Variants in PRCP observed in about 807,000 individuals in gnomAD.
PRCP encodes the protein lysosomal Pro-X carboxypeptidase.
PRCP carries 46 observed loss-of-function variants against 54.2 expected under a neutral mutation model. The observed-to-expected ratio is 0.85, with a 90% CI of 0.67 to 1.09. The LOEUF is 1.09. Ranked by LOEUF, PRCP falls within the 50% of genes least tolerant of loss-of-function variation. PRCP has a pLI of 0.00. For missense variants in PRCP, 613 were observed against 596.8 expected (o/e 1.03, Z -0.28); for synonymous variants, 240 against 212.2 (o/e 1.13, Z -1.14).
rs918685778 is a variant in PRCP, at chr11:82,884,768, G to A, written c.168+15467C>T. 7 of 1,607,176 alleles carry A rather than the reference G, an allele frequency of 4.4e-6. No individual in the cohort carries two copies. The African/African-American group carries it at 9.4e-5, about 22-fold the overall frequency. ...GGCCATTTATTAGCTACTTAACCAA[G>A]TTCATGGCTTTCAGCTTGTTTTCTC... On this transcript the variant is annotated intron_variant, in intron 1 of 8. Coordinates refer to ENST00000313010, the MANE Select transcript of PRCP (RefSeq NM_005040.4).
chr11:82,837,698 T>TG (rs369520503), intron 8 of PRCP, among the ~76,000 whole-genome samples: 80 of 152,306 alleles, frequency 5.3e-4, no homozygotes, highest in African/African-American at 1.9e-3. Flanking sequence ...ACTCAAAACA[T>TG]GGAAATTTTG....
intron 2 of PRCP, among the ~76,000 whole-genome samples, chr11:82,855,966 T>C (rs973660140): frequency 1.1e-4 from 16 of 152,056 alleles, no homozygotes; most frequent in African/African-American, 3.9e-4. Flanking sequence ...GAACTTGAAA[T>C]AGAACTACCA....
upstream of PRCP, among the ~76,000 whole-genome samples, chr11:82,901,154 T>C (rs1489327649): frequency 1.3e-5 from 2 of 152,138 alleles, no homozygotes; most frequent in African/African-American, 4.8e-5. Context: ...CCACTCCCTA[T>C]GATACTCCGT....
chr11:82,898,259 G>A (rs1437058512), intron 1 of PRCP, among the ~76,000 whole-genome samples: 3 of 152,136 alleles, frequency 2.0e-5, no homozygotes, highest in African/African-American at 7.2e-5. Context: ...GACAAAATGT[G>A]GCTGAGTAAA....
chr11:82,825,233 A>G, intron 8 of PRCP, 111 bp from the exon 9 acceptor site: 1 of 949,880 alleles, frequency 1.1e-6, no homozygotes, highest in Non-Finnish European at 1.6e-6. Context: ...ATAAACTTGT[A>G]ACCTGGGGGA....
At position 82,825,134 on chromosome 11, in the gene PRCP, A is replaced by G. The variant is rs1858194077; in HGVS notation, c.1275-12T>C. 1 of 1,597,740 alleles carries G rather than the reference A, an allele frequency of 6.3e-7. No homozygotes were observed. The highest frequency in any genetic ancestry group is 8.5e-7 in the Non-Finnish European group (1 of 1,170,500). ...CTAGTTCACCATTGCTGCAAGTGAA[A>G]AAAAGAAGAAAAAATAAAGTTGTTA... On this transcript the variant is annotated splice_polypyrimidine_tract_variant and intron_variant, in intron 8 of 8. Transcript: ENST00000313010.
chr11:82,825,299 C>T (rs1315930745), intron 8 of PRCP, 177 bp from the exon 9 acceptor site: 3 of 626,148 alleles, frequency 4.8e-6, no homozygotes, highest in Non-Finnish European at 8.1e-6. Flanking sequence ...TGGAGTTTTG[C>T]AATATTCATG....
At chr11:82,866,542 T>C (rs528765712) in intron 1 of PRCP, among the ~76,000 whole-genome samples, 76 of 151,818 alleles carry the variant, frequency 5.0e-4, no homozygotes, top group Non-Finnish European at 9.4e-4. Flanking sequence ...CTCTTAGAAA[T>C]AAATTTATTT....
In PRCP at chr11:82,823,782, T is replaced by C. The variant is rs1591029519; in HGVS notation, c.*1124A>G. 6.6e-6 allele frequency: 1 copy of C among 152,278 alleles called. No individual in the cohort carries two copies. Among genetic ancestry groups the C allele is most frequent in the East Asian group, 1.9e-4 (1 of 5,186 alleles). 9.4% of individuals were successfully genotyped at this position (152,278 alleles called of 1,614,324 possible). A position where few individuals can be genotyped will look rare whatever the true frequency, so the allele number is the denominator to read the frequency against. On this transcript the variant is annotated 3_prime_UTR_variant, in exon 9 of 9. Coordinates refer to ENST00000313010, the MANE Select transcript of PRCP (RefSeq NM_005040.4). ...CCTAGAAAAGCTCTCTGAAGAAAGG[T>C]CTCAGTGTAAGAACTGCTTGAAAGA...
intron 6 of PRCP, among the ~76,000 whole-genome samples, chr11:82,841,702 C>T (rs944867402): frequency 1.3e-5 from 2 of 152,164 alleles, no homozygotes; most frequent in African/African-American, 4.8e-5. Flanking sequence ...TTGAGCTAAA[C>T]TGAGAGCTAA....
At chr11:82,825,276 AGAT>A (rs1299649833) in intron 8 of PRCP, 154 bp from the exon 9 acceptor site, 3 of 681,428 alleles carry the variant, frequency 4.4e-6, no homozygotes. Context: ...TCATATGGAT[AGAT>A]ACTTCATACT....
At chr11:82,894,574 C>G (rs1860076662) in intron 1 of PRCP, among the ~76,000 whole-genome samples, 1 of 152,214 alleles carries the variant, frequency 6.6e-6, no homozygotes, top group African/African-American at 2.4e-5. Context: ...GGTTAGGCAA[C>G]TTGCCCAAAA....
At chr11:82,872,214 G>A (rs1450095865) in intron 1 of PRCP, among the ~76,000 whole-genome samples, 4 of 152,102 alleles carry the variant, frequency 2.6e-5, no homozygotes, top group Non-Finnish European at 5.9e-5. Context: ...ATCTACTGGG[G>A]GTCTTGAAAC....
At chr11:82,825,650 G>GAAGAA (rs1858212577) in intron 8 of PRCP, 2 of 116,054 alleles carry the variant, frequency 1.7e-5, no homozygotes, top group Admixed American at 9.2e-5. Flanking sequence ...GAAAGGGAGG[G>GAAGAA]AGGGAGGGAG....
chr11:82,845,074 G>A (rs942568402), intron 6 of PRCP, among the ~76,000 whole-genome samples: 26 of 150,562 alleles, frequency 1.7e-4, no homozygotes, highest in African/African-American at 4.9e-4. Context: ...AGAGTGATAC[G>A]GCATTTCCTA....
chr11:82,825,049 T>C lies in PRCP; in HGVS notation c.1348A>G (p.Ile450Val). 6.2e-7 allele frequency: 1 copy of C among 1,614,094 alleles called. No homozygotes were observed. The highest frequency in any genetic ancestry group is 8.5e-7 in the Non-Finnish European group (1 of 1,180,000). Residue 450 changes from isoleucine (I) to valine (V), a missense_variant, in exon 9 of 9, where the codon ATC becomes GTC. Coordinates refer to ENST00000313010, the MANE Select transcript of PRCP (RefSeq NM_005040.4). ...TCTAAGTGGTGGGCCCCCTCTGAGA[T>C]GGTGACTGCAACCAGAGTGTCTGTG... is the stretch of plus-strand genomic sequence containing the variant. ...DITDTLVAVT[I>V]SEGAHHLDLR...
chr11:82,884,739 T>A, intron 1 of PRCP: 1 of 1,591,968 alleles, frequency 6.3e-7, no homozygotes, highest in Non-Finnish European at 8.5e-7. Context: ...TTCAGTGCCA[T>A]CTTGGCCATT....
chr11:82,878,941 C>T (rs1052976258), intron 1 of PRCP, among the ~76,000 whole-genome samples: 3 of 152,210 alleles, frequency 2.0e-5, no homozygotes, highest in African/African-American at 7.2e-5. Context: ...GGTTACCCAA[C>T]CTTTCTCTCC....
chr11:82,856,908 C>A (rs1859100942), intron 2 of PRCP, among the ~76,000 whole-genome samples: 1 of 151,552 alleles, frequency 6.6e-6, no homozygotes, highest in Non-Finnish European at 1.5e-5. Context: ...TGGTGGCAGG[C>A]GCCTGTAGTC....
Sources: allele counts gnomAD v4.1 joint callset (sites outside exome capture counted in the v4.1 genomes callset), GRCh38; gene constraint gnomAD v4.1.1; transcripts MANE v1.5; gene names NCBI Gene and HGNC (gene_info 2026-07-23, HGNC 2026-07-21).